The following MFSD8 variants were observed in gnomAD, a reference collection of about 807,000 sequenced individuals.
The protein encoded by MFSD8 is major facilitator superfamily domain-containing protein 8.
In MFSD8, 55 loss-of-function variants were observed where a neutral mutation model predicts 66.4. That is an observed-to-expected ratio of 0.83 (90% CI 0.67 to 1.04). MFSD8 has a LOEUF of 1.04. Among genes scored for constraint, MFSD8 ranks in the 50% least tolerant of loss-of-function variants. The pLI is 0.00. For missense variants in MFSD8, 550 were observed against 627.6 expected (o/e 0.88, Z 1.32); for synonymous variants, 202 against 212.8 (o/e 0.95, Z 0.44).
intron 7 of MFSD8, among the ~76,000 whole-genome samples, chr4:127,934,151 G>A (rs528104691): frequency 4.6e-5 from 7 of 152,168 alleles, no homozygotes; most frequent in East Asian, 1.9e-4. Flanking sequence ...GCTGAGGCAC[G>A]AGAATTGCTT....
chr4:127,960,339 G>T (rs1743536206), intron 1 of MFSD8, among the ~76,000 whole-genome samples: 1 of 152,162 alleles, frequency 6.6e-6, no homozygotes, highest in African/African-American at 2.4e-5. Flanking sequence ...AGATCAGCCT[G>T]GCCAACATGG....
rs1736089709 is a variant in MFSD8 at position 127,919,152 on chromosome 4, G to A, written c.*1478C>T. 6.6e-6 allele frequency: 1 copy of A among 152,162 alleles called. No individual in the cohort carries two copies. Among genetic ancestry groups the A allele is most frequent in the Admixed American group, 6.5e-5 (1 of 15,274 alleles). 9.4% of individuals were successfully genotyped at this position (152,162 alleles called of 1,614,324 possible). On this transcript the variant is annotated 3_prime_UTR_variant, in exon 12 of 12. Transcript: ENST00000641686. ...CCTTTATTAGAGCTGAAAAAATTGA[G>A]TTTAAGAGCACAGCTAGTTTAGCAT...
intron 1 of MFSD8, chr4:127,964,687 A>G: frequency 6.8e-6 from 2 of 294,692 alleles, no homozygotes; most frequent in Non-Finnish European, 1.3e-5. Flanking sequence ...GGGCTCCCAC[A>G]GTGCAGCGGT....
chr4:127,922,629 A>T (rs1007794635), intron 9 of MFSD8, among the ~76,000 whole-genome samples: 1 of 152,064 alleles, frequency 6.6e-6, no homozygotes, highest in Non-Finnish European at 1.5e-5. Flanking sequence ...TGTCGCCAAA[A>T]AAAAAAAAAG....
At chr4:127,963,610 G>C (rs969726822) in intron 1 of MFSD8, among the ~76,000 whole-genome samples, 10 of 152,098 alleles carry the variant, frequency 6.6e-5, no homozygotes, top group South Asian at 2.1e-4. Flanking sequence ...GGCGCGTCTG[G>C]AGTTGTTCGT....
chr4:127,963,349 T>C (rs1744124070), intron 1 of MFSD8, among the ~76,000 whole-genome samples: 1 of 152,180 alleles, frequency 6.6e-6, no homozygotes, highest in African/African-American at 2.4e-5. Context: ...GGGCCAAATA[T>C]GGAATGCAGA....
chr4:127,961,121 AATC>A (rs771806420), intron 1 of MFSD8, among the ~76,000 whole-genome samples: 3 of 152,220 alleles, frequency 2.0e-5, no homozygotes, highest in Non-Finnish European at 4.4e-5. Flanking sequence ...AGCAAATAAT[AATC>A]AACCTTGTTA....
rs145529594 is a variant in MFSD8 at position 127,957,589 on chromosome 4, T to A, written c.66A>T (p.Glu22Asp). 1.6e-3 allele frequency: 2,632 copies of A among 1,606,132 alleles called. 39 individuals carry two copies. The African/African-American group carries it at 0.03, about 18-fold the overall frequency. The stretch of plus-strand genomic sequence containing the variant: ...GCTCTTCAGTCTCTAAAATGTCCCA[T>A]TCTCTAGGTGTAAAGAAGAAAAAAG... ...PLLGDTPGSREWDILETEEHY... is the reference protein window; with the variant it reads ...PLLGDTPGSRDWDILETEEHY... The change falls in exon 2 of 12, where the codon GAA becomes GAT. Residue 22 changes from glutamate to aspartate, a missense_variant. Transcript: ENST00000641686.
chr4:127,923,133 T>G (rs1164480140), intron 9 of MFSD8, among the ~76,000 whole-genome samples: 1 of 152,192 alleles, frequency 6.6e-6, no homozygotes, highest in African/African-American at 2.4e-5. Flanking sequence ...TTCTCTTGCC[T>G]GATTGCCCTG....
At chr4:127,923,619 G>A (rs950343344) in intron 9 of MFSD8, among the ~76,000 whole-genome samples, 3 of 147,006 alleles carry the variant, frequency 2.0e-5, no homozygotes, top group Non-Finnish European at 3.0e-5. Flanking sequence ...TTGCTCTGTC[G>A]CCCAGGCTGG....
intron 11 of MFSD8, chr4:127,921,180 T>C: frequency 1.8e-6 from 1 of 565,406 alleles, no homozygotes; most frequent in Non-Finnish European, 3.1e-6. Flanking sequence ...TTCACAAGTT[T>C]CGATGACAGG....
chr4:127,933,935 T>C (rs979135722), intron 7 of MFSD8, among the ~76,000 whole-genome samples: 1 of 151,566 alleles, frequency 6.6e-6, no homozygotes, highest in African/African-American at 2.4e-5. Flanking sequence ...CTCATACATG[T>C]AATCCCAGCA....
chr4:127,947,017 C>G (rs1741148191), intron 3 of MFSD8, among the ~76,000 whole-genome samples: 1 of 151,766 alleles, frequency 6.6e-6, no homozygotes, highest in African/African-American at 2.4e-5. Flanking sequence ...TTAGGACACT[C>G]CATATTAAGG....
intron 2 of MFSD8, 22 bp downstream of exon 2, chr4:127,957,473 GTTAAAA>G (rs756511080): frequency 1.4e-6 from 2 of 1,446,662 alleles, no homozygotes; most frequent in Non-Finnish European, 1.9e-6. Context: ...GATCTGAATT[GTTAAAA>G]TTATGTATTT....
intron 1 of MFSD8, among the ~76,000 whole-genome samples, chr4:127,961,604 G>A (rs1743752487): frequency 6.6e-6 from 1 of 152,046 alleles, no homozygotes; most frequent in Non-Finnish European, 1.5e-5. Flanking sequence ...CACGAGGTCA[G>A]GAGATCGAGA....
chr4:127,964,948 C>A, intron 1 of MFSD8, 124 bp downstream of exon 1: 1 of 1,180,864 alleles, frequency 8.5e-7, no homozygotes, highest in East Asian at 2.6e-5. Context: ...ACCCAGCCAC[C>A]GGCTCCCACC....
Position 127,918,038 on chromosome 4 carries a change from T to C in MFSD8, c.*2592A>G, listed in dbSNP as rs924357088. ...GTTTATATGAACAAGAAGAGTTTAT[T>C]TTTAAATGTAAAGCTGAACAAGATA... On this transcript the variant is annotated 3_prime_UTR_variant, in exon 12 of 12. Coordinates refer to ENST00000641686, the MANE Select transcript of MFSD8 (RefSeq NM_001371596.2). 1.3e-5 allele frequency: 2 copies of C among 152,252 alleles called. No individual in the cohort carries two copies. 9.4% of individuals were successfully genotyped at this position (152,252 alleles called of 1,614,324 possible).
chr4:127,939,693 C>A, intron 6 of MFSD8, 160 bp downstream of exon 6: 1 of 511,574 alleles, frequency 2.0e-6, no homozygotes, highest in Non-Finnish European at 3.3e-6. Context: ...TTTTGGTTGC[C>A]AGTATTACAT....
intron 7 of MFSD8, among the ~76,000 whole-genome samples, chr4:127,936,589 G>A (rs2148894473): frequency 6.6e-6 from 1 of 151,940 alleles, no homozygotes. Context: ...AACGTTATTT[G>A]TTGTTTATTG....
Sources: gnomAD v4.1 joint callset for allele counts (sites outside exome capture counted in the v4.1 genomes callset) on GRCh38, gnomAD v4.1.1 for gene constraint, MANE v1.5 for transcripts, NCBI Gene and HGNC (gene_info 2026-07-23, HGNC 2026-07-21) for gene names.